TACC3: variants seen among roughly 807,000 people sequenced by gnomAD.
TACC3 encodes transforming acidic coiled-coil containing protein 3.
In TACC3, 52 loss-of-function variants were observed where a neutral mutation model predicts 86.0. That is an observed-to-expected ratio of 0.60 (90% CI 0.48 to 0.76). TACC3 has a LOEUF of 0.76. Among genes scored for constraint, TACC3 ranks in the 30% least tolerant of loss-of-function variants. TACC3 has a pLI of 0.00. For missense variants in TACC3, 1,120 were observed against 1,070.4 expected, an observed-to-expected ratio of 1.05 and a Z score of -0.65; for synonymous variants, 512 against 430.0, an observed-to-expected ratio of 1.19 and a Z score of -2.36.
In TACC3 at chr4:1,735,440, C is replaced by A; in HGVS notation, c.1644+115C>A. On this transcript the variant is annotated intron_variant, in intron 7 of 15. Transcript: ENST00000313288. This position sits in a 1 kb window ranked among gnomAD's most constrained non-coding sequence, Gnocchi z 4.2. ...CCACGTCCCCCCAGCTGCACACAGG[C>A]CCAGGCATTGTGGCGGGCTGTGAAT... is the stretch of plus-strand genomic sequence containing the variant. 3 of 1,226,702 alleles carry A rather than the reference C, an allele frequency of 2.4e-6. No homozygotes were observed. The allele number at this position is 1,226,702 out of a possible 1,614,324, so 76.0% of individuals were successfully genotyped here.
intron 12 of TACC3, 166 bp from the exon 13 acceptor site, chr4:1,740,660 G>A (rs1560323995): frequency 7.9e-6 from 5 of 629,190 alleles, no homozygotes; most frequent in Non-Finnish European, 1.4e-5. Flanking sequence ...TTTGCATCCG[G>A]CCTAGAAGAT....
intron 6 of TACC3, among the ~76,000 whole-genome samples, chr4:1,733,575 C>G (rs992995850): frequency 4.9e-4 from 75 of 152,082 alleles, no homozygotes; most frequent in African/African-American, 1.7e-3. Flanking sequence ...GGGAGGCTCG[C>G]TTGAGCCAGG....
intron 6 of TACC3, among the ~76,000 whole-genome samples, chr4:1,734,312 C>T (rs1718149318): frequency 6.6e-6 from 1 of 152,006 alleles, no homozygotes. Flanking sequence ...CTCAGCCTCC[C>T]AAGTAGCTGG....
Position 1,728,117 on chromosome 4 carries a change from G to T in TACC3, c.715G>T (p.Gly239Cys), listed in dbSNP as rs200068668. ...PHGAEEECRH[G>C]GVCAPAAVAT... is the part of the protein sequence containing the mutation. ...CGGAGCCGAGGAGGAATGCCGGCACGGTGGGGTCTGTGCTCCCGCAGCAGT... is the reference window on the plus strand; with the variant it reads ...CGGAGCCGAGGAGGAATGCCGGCACTGTGGGGTCTGTGCTCCCGCAGCAGT... The change falls in exon 4 of 16, where the codon GGT becomes TGT. Residue 239 changes from glycine to cysteine, a missense_variant. Transcript: ENST00000313288. The T allele has an allele frequency of 9.9e-6, 16 of 1,612,350 alleles. No homozygotes were observed. Among genetic ancestry groups the T allele is most frequent in the Non-Finnish European group, 1.2e-5 (14 of 1,179,762 alleles).
chr4:1,729,859 G>A (rs963288285), intron 4 of TACC3, among the ~76,000 whole-genome samples: 18 of 152,050 alleles, frequency 1.2e-4, no homozygotes, highest in African/African-American at 4.3e-4. Flanking sequence ...TGGTGCTACC[G>A]CTAGACCAAG....
chr4:1,744,484 G>C (rs370310755), intron 13 of TACC3, 34 bp from the exon 14 acceptor site: 1 of 1,596,196 alleles, frequency 6.3e-7, no homozygotes, highest in Non-Finnish European at 8.6e-7. Context: ...AGCAGACGGC[G>C]TGGTACCCAC....
At chr4:1,727,471 C>T (rs970222366) in intron 3 of TACC3, among the ~76,000 whole-genome samples, 2 of 152,296 alleles carry the variant, frequency 1.3e-5, no homozygotes, top group Admixed American at 6.5e-5. Flanking sequence ...AGGGCGGGGT[C>T]AGCGAGGAAG....
At chr4:1,738,249 C>T (rs28716870) in intron 10 of TACC3, 44,675 of 258,524 alleles carry the variant, frequency 0.17, 4,379 homozygotes, top group African/African-American at 0.21. Flanking sequence ...GAGCTACCGT[C>T]GCCAGATGGT....
intron 3 of TACC3, among the ~76,000 whole-genome samples, chr4:1,727,163 T>C (rs920294980): frequency 9.4e-5 from 14 of 148,252 alleles, no homozygotes; most frequent in Admixed American, 6.0e-4. Flanking sequence ...AAGGAAGTGG[T>C]GGGAAATTGA....
In TACC3 at chr4:1,728,798, G is replaced by C; in HGVS notation, c.1385+11G>C. Reference sequence around the variant, plus strand: ...TCCCTGTCTGAGCCAGTAAGTGTGAGGATGGGATGGGGAGCGTGGCGTGGG... The same window carrying C: ...TCCCTGTCTGAGCCAGTAAGTGTGACGATGGGATGGGGAGCGTGGCGTGGG... On this transcript the variant is annotated intron_variant, in intron 4 of 15. Coordinates refer to ENST00000313288, the MANE Select transcript of TACC3 (RefSeq NM_006342.3). 6.3e-7 allele frequency: 1 copy of C among 1,593,408 alleles called. No individual in the cohort carries two copies. The highest frequency in any genetic ancestry group is 8.5e-7 in the Non-Finnish European group (1 of 1,171,834).
intron 3 of TACC3, among the ~76,000 whole-genome samples, chr4:1,724,927 A>AT (rs56412328): frequency 0.29 from 31,460 of 110,106 alleles, 5,814 homozygotes; most frequent in African/African-American, 0.52. Context: ...TGCCCGGCCA[A>AT]TTTTTTTTTT....
intron 4 of TACC3, among the ~76,000 whole-genome samples, chr4:1,729,161 G>A (rs1717876698): frequency 6.6e-6 from 1 of 152,100 alleles, no homozygotes; most frequent in African/African-American, 2.4e-5. Context: ...TGCCTGGGTG[G>A]CGTCCGCTGC....
rs372966037 is a variant in TACC3, at chr4:1,723,873, A to G, written c.305+3A>G. The G allele has an allele frequency of 1.4e-5, 22 of 1,612,904 alleles. No individual in the cohort carries two copies. The highest frequency in any genetic ancestry group is 1.9e-5 in the Non-Finnish European group (22 of 1,179,880). On this transcript the variant is annotated splice_donor_region_variant and intron_variant, in intron 3 of 15. Transcript: ENST00000313288. ...CCGGTCTGGACACAGAAAGAGAAGTAAGTGTTGGTGCTGCTGGACATGCTG... is the reference window on the plus strand; with the variant it reads ...CCGGTCTGGACACAGAAAGAGAAGTGAGTGTTGGTGCTGCTGGACATGCTG...
In TACC3 at chr4:1,727,893, C is replaced by T. The variant is rs1717771271; in HGVS notation, c.491C>T (p.Ser164Phe). The change falls in exon 4 of 16, where the codon TCT (serine) becomes TTT (phenylalanine). Residue 164 changes from serine (S) to phenylalanine (F), a missense_variant. Coordinates refer to ENST00000313288, the MANE Select transcript of TACC3 (RefSeq NM_006342.3). ...CSSSSQSPGS[S>F]ENQMVSPGKV... ...AGCTCTTCCCAGAGCCCAGGAAGTT[C>T]TGAGAACCAAATGGTGTCTCCAGGA... The T allele has an allele frequency of 1.2e-6, 2 of 1,613,974 alleles. No individual in the cohort carries two copies. The highest frequency in any genetic ancestry group is 1.1e-5 in the South Asian group (1 of 91,086).
chr4:1,744,417 G>A lies in TACC3; in HGVS notation c.2224-101G>A, dbSNP rs117443474. 3,894 of 1,093,114 alleles carry A rather than the reference G, an allele frequency of 3.6e-3. 134 individuals carry two copies. The East Asian group carries it at 0.074, about 21-fold the overall frequency. 67.7% of individuals were successfully genotyped at this position (1,093,114 alleles called of 1,614,324 possible). On this transcript the variant is annotated intron_variant, in intron 13 of 15. Coordinates refer to ENST00000313288, the MANE Select transcript of TACC3 (RefSeq NM_006342.3). ...CGGGAGCTACTGGCTCACGGCTGATGCCCCAGACAGCCTCGAGGATCTGCA... is the reference window on the plus strand; with the variant it reads ...CGGGAGCTACTGGCTCACGGCTGATACCCCAGACAGCCTCGAGGATCTGCA...
chr4:1,731,110 G>A, intron 5 of TACC3, 62 bp from the exon 6 acceptor site: 2 of 1,602,406 alleles, frequency 1.2e-6, no homozygotes, highest in East Asian at 2.2e-5. Flanking sequence ...TTGTGGGGAG[G>A]CAAAGCCACA....
chr4:1,744,601 CCA>C lies in TACC3; in HGVS notation c.2309_2310del (p.His770ArgfsTer49), dbSNP rs1231895599. 1.9e-6 allele frequency: 3 copies of C among 1,613,206 alleles called. No homozygotes were observed. The highest frequency in any genetic ancestry group is 2.5e-6 in the Non-Finnish European group (3 of 1,179,990). ...GCCAGAGGTACCAAGCCCTGAAGGC[CCA>C]CGCGGAGGAGAAGCTGCAGCTGTGA... ...EGQRYQALKA[H>X]AEEKLQLANE... On this transcript the variant is annotated frameshift_variant, in exon 14 of 16. Coordinates refer to ENST00000313288, the MANE Select transcript of TACC3 (RefSeq NM_006342.3). LOFTEE classifies it high-confidence loss of function.
intron 10 of TACC3, among the ~76,000 whole-genome samples, chr4:1,738,582 C>T (rs772599919): frequency 7.2e-5 from 11 of 152,174 alleles, no homozygotes; most frequent in Admixed American, 3.9e-4. Flanking sequence ...AAATAGTGCT[C>T]GAACATTAAT....
rs1262635905 is a variant in TACC3 at position 1,721,575 on chromosome 4, C to G, written c.-70C>G. ...GCTAGGCTTGGCCCCCGGCGTGGAG[C>G]AGACGCGGACCCCTCCTTCCTGGCG... On this transcript the variant is annotated 5_prime_UTR_variant, in exon 1 of 16. Transcript: ENST00000313288. The G allele has an allele frequency of 6.6e-6, 1 of 152,314 alleles. No homozygotes were observed. Among genetic ancestry groups the G allele is most frequent in the Non-Finnish European group, 1.5e-5 (1 of 68,160 alleles). The allele number at this position is 152,314 out of a possible 1,614,324, so 9.4% of individuals were successfully genotyped here. A position where few individuals can be genotyped will look rare whatever the true frequency, so the allele number is the denominator to read the frequency against.
Sources: allele counts gnomAD v4.1 joint callset (sites outside exome capture counted in the v4.1 genomes callset), GRCh38; gene constraint gnomAD v4.1.1; non-coding constraint Gnocchi (gnomAD v3.1); transcripts MANE v1.5; gene names NCBI Gene and HGNC (gene_info 2026-07-23, HGNC 2026-07-21).